Variants in ADAM33 observed in about 807,000 individuals in gnomAD.
ADAM33 encodes the protein ADAM metallopeptidase domain 33.
In ADAM33, 103 loss-of-function variants were observed where a neutral mutation model predicts 106.2. That is an observed-to-expected ratio of 0.97 (90% confidence interval 0.83 to 1.14). ADAM33 has a LOEUF of 1.14. ADAM33 is among the 50% of genes most tolerant of loss of function. The pLI, the probability that ADAM33 is intolerant of heterozygous loss-of-function variation, is 0.00. For missense variants in ADAM33, 1,120 were observed against 1,096.6 expected (o/e 1.02, Z -0.30); for synonymous variants, 483 against 453.0 (o/e 1.07, Z -0.84).
In ADAM33 at chr20:3,671,163, T is replaced by G; in HGVS notation, c.2093-10A>C. On this transcript the variant is annotated splice_polypyrimidine_tract_variant and intron_variant, in intron 18 of 21. Coordinates refer to ENST00000356518, the MANE Select transcript of ADAM33 (RefSeq NM_025220.5). ...AGGAAGGTGTCATGGTCTGCGGGGA[T>G]TGGGGGAAGGGGCGCTGAGTCCTGA... is the stretch of plus-strand genomic sequence containing the variant. The G allele has an allele frequency of 6.2e-7, 1 of 1,613,204 alleles. No homozygotes were observed. The highest frequency in any genetic ancestry group is 8.5e-7 in the Non-Finnish European group (1 of 1,179,668).
At position 3,672,835 on chromosome 20, in the gene ADAM33, C is replaced by CTT. The variant is rs572446582; in HGVS notation, c.1195_1196dup (p.Gly400ArgfsTer70). On this transcript the variant is annotated frameshift_variant, in exon 12 of 22. Transcript: ENST00000356518. LOFTEE classifies it high-confidence loss of function. ...CATTGGAGAGGCAAGCGCCGCCCCC[C>CTT]TTGCGGAAGAAGGCGCGCAGCTGGC... 5.7e-5 allele frequency: 90 copies of CTT among 1,576,686 alleles called. No individual in the cohort carries two copies. In the East Asian group the frequency reaches 2.0e-3, roughly 35 times the overall value.
chr20:3,674,891 G>C, intron 4 of ADAM33, 42 bp from the exon 5 acceptor site: 5 of 1,608,428 alleles, frequency 3.1e-6, no homozygotes, highest in Non-Finnish European at 4.2e-6. Flanking sequence ...GCCAGGGCTG[G>C]AGCAAGAGGG....
intron 1 of ADAM33, among the ~76,000 whole-genome samples, 166 bp downstream of exon 1, chr20:3,681,742 C>T (rs2088516426): frequency 6.6e-6 from 1 of 152,150 alleles, no homozygotes. Flanking sequence ...TGGGCAGGTC[C>T]CACGGAGACC....
chr20:3,672,669 G>T (rs939177903), intron 12 of ADAM33, 43 bp from the exon 13 acceptor site: 16 of 1,608,768 alleles, frequency 9.9e-6, no homozygotes, highest in Non-Finnish European at 1.3e-5. Flanking sequence ...AGGGCGCAGC[G>T]CCCCAGACCT....
At chr20:3,669,707 A>G (rs759130969) in intron 19 of ADAM33, 70 bp from the exon 20 acceptor site, 2 of 1,379,778 alleles carry the variant, frequency 1.4e-6, no homozygotes, top group Non-Finnish European at 1.0e-6. Context: ...TCCCCGCAGC[A>G]TGGTGTCCAG....
chr20:3,671,404 TC>T lies in ADAM33; in HGVS notation c.1983+14del, dbSNP rs1357820652. The T allele has an allele frequency of 6.2e-7, 1 of 1,611,572 alleles. No homozygotes were observed. Among genetic ancestry groups the T allele is most frequent in the Non-Finnish European group, 8.5e-7 (1 of 1,178,400 alleles). On this transcript the variant is annotated intron_variant, in intron 17 of 21. Coordinates refer to ENST00000356518, the MANE Select transcript of ADAM33 (RefSeq NM_025220.5). ...TTAGGAACCCCAAGGTCACCCCCAC[TC>T]CTCGGGCTCTCACCCCGTGGCTGTG...
At chr20:3,677,275 C>G (rs1174341097) in intron 2 of ADAM33, 132 bp from the exon 3 acceptor site, 2 of 664,048 alleles carry the variant, frequency 3.0e-6, no homozygotes, top group Non-Finnish European at 4.9e-6. Context: ...CAGCAGGACC[C>G]CCCACATACT....
intron 19 of ADAM33, chr20:3,670,041 C>G: frequency 8.0e-6 from 3 of 376,812 alleles, no homozygotes; most frequent in Non-Finnish European, 1.5e-5. Context: ...CTGTCCCCAT[C>G]CCATCCCCCA....
At chr20:3,672,102 G>A in intron 14 of ADAM33, 32 bp downstream of exon 14, 17 of 1,599,290 alleles carry the variant, frequency 1.1e-5, no homozygotes, top group Non-Finnish European at 1.5e-5. Flanking sequence ...GAGGATGGGG[G>A]GCAGGGTGCA....
chr20:3,676,732 TAGCCTGGG>T (rs2087996563), intron 3 of ADAM33, among the ~76,000 whole-genome samples: 1 of 152,194 alleles, frequency 6.6e-6, no homozygotes, highest in East Asian at 1.9e-4. Flanking sequence ...GCCATTCCCT[TAGCCTGGG>T]GTGCCGGCTC....
Position 3,674,066 on chromosome 20 carries a change from G to A in ADAM33, c.736C>T (p.Gln246Ter). 6.2e-7 allele frequency: 1 copy of A among 1,614,096 alleles called. No homozygotes were observed. Among genetic ancestry groups the A allele is most frequent in the Non-Finnish European group, 8.5e-7 (1 of 1,180,014 alleles). The change falls in exon 8 of 22, where the codon CAG becomes TAG. Residue 246 changes from glutamine to a stop codon, truncating the protein, a stop_gained and splice_region_variant. Transcript: ENST00000356518. LOFTEE classifies it high-confidence loss of function. ...RLLEVANYVDQLLRTLDIQVA... is the reference protein window; with the variant it reads ...RLLEVANYVD ...GCTCTCTCCCCGCCGCCCCCAACCTGGTCCACGTAGTTGGCGACTTCCAGG... is the reference window on the plus strand; with the variant it reads ...GCTCTCTCCCCGCCGCCCCCAACCTAGTCCACGTAGTTGGCGACTTCCAGG...
chr20:3,676,487 G>C (rs1250437183), intron 3 of ADAM33, among the ~76,000 whole-genome samples: 1 of 150,640 alleles, frequency 6.6e-6, no homozygotes, highest in East Asian at 2.0e-4. Context: ...CCAGGCCGGA[G>C]TGGTGCAGTG....
In ADAM33 at chr20:3,674,592, T is replaced by G. The variant is rs1568811385; in HGVS notation, c.512A>C (p.Gln171Pro). The G allele has an allele frequency of 1.9e-6, 3 of 1,613,358 alleles. No individual in the cohort carries two copies. In the Admixed American group the frequency reaches 5.0e-5, roughly 27 times the overall value. The change falls in exon 6 of 22, where the codon CAG (glutamine) becomes CCG (proline). Residue 171 changes from glutamine (Q) to proline (P), a missense_variant. Physicochemically the swap from Gln to Pro is moderately conservative, Grantham distance 76. Transcript: ENST00000356518. ...ACAGGTTCCTTTCCAGGTGAGCAGC[T>G]GCTCCATCCGAAAGATCTCGTGGGT... Reference protein sequence around the residue: ...FSTHEIFRMEQLLTWKGTCGH... With the variant: ...FSTHEIFRMEPLLTWKGTCGH...
Position 3,671,625 on chromosome 20 carries a change from C to A in ADAM33, c.1861G>T (p.Gly621Cys). 1.3e-6 allele frequency: 2 copies of A among 1,581,380 alleles called. No homozygotes were observed. The highest frequency in any genetic ancestry group is 1.7e-6 in the Non-Finnish European group (2 of 1,163,252). ...GTGCCTGGCTCTACCAGGCCCAGGCCAAGCAGGTCCAGCTGGGCACTGGGG... is the reference window on the plus strand; with the variant it reads ...GTGCCTGGCTCTACCAGGCCCAGGCAAAGCAGGTCCAGCTGGGCACTGGGG... ...ALPSAQLDLLGLGLVEPGTQC... is the reference protein window; with the variant it reads ...ALPSAQLDLLCLGLVEPGTQC... The change falls in exon 16 of 22, where the codon GGC becomes TGC. Residue 621 changes from glycine (G) to cysteine (C), a missense_variant. Physicochemically the swap from Gly to Cys is radical, Grantham distance 159 (BLOSUM62 -3). Transcript: ENST00000356518.
At chr20:3,673,256 T>C (rs1245762505) in intron 11 of ADAM33, 98 bp downstream of exon 11, 2 of 1,534,098 alleles carry the variant, frequency 1.3e-6, no homozygotes, top group Non-Finnish European at 8.7e-7. Context: ...TATCCCCATT[T>C]TACAGAAGAG....
intron 7 of ADAM33, 21 bp downstream of exon 7, chr20:3,674,198 A>G (rs2087779064): frequency 6.2e-7 from 1 of 1,613,688 alleles, no homozygotes; most frequent in Admixed American, 1.7e-5. Flanking sequence ...GACCCCGCCA[A>G]CCCCTGGGGT....
intron 10 of ADAM33, 33 bp from the exon 11 acceptor site, chr20:3,673,529 C>A: frequency 6.9e-7 from 1 of 1,452,436 alleles, no homozygotes; most frequent in Non-Finnish European, 9.0e-7. Flanking sequence ...TCACTGCGGC[C>A]GTAGAGCCTC....
At chr20:3,677,169 A>G (rs1016309664) in intron 2 of ADAM33, 26 bp from the exon 3 acceptor site, 65 of 1,578,282 alleles carry the variant, frequency 4.1e-5, no homozygotes, top group Non-Finnish European at 5.4e-5. Flanking sequence ...TGTGGAGCTG[A>G]GATGGTGGCC....
rs376736249 is a variant in ADAM33, at chr20:3,681,918, C to T, written c.87G>A (p.Gly29=). 6.8e-5 allele frequency: 108 copies of T among 1,590,994 alleles called. 1 individual carries two copies. In the South Asian group the frequency reaches 1.1e-3, roughly 16 times the overall value. The change falls in exon 1 of 22, where the codon GGG becomes GGA. Residue 29 remains glycine (G), a synonymous_variant. Transcript: ENST00000356518. ...LLLLWPVPGA[G]VLQGHIPGQP... Reference sequence around the variant, plus strand: ...CGCCCGCGTCCTCACCTTGAAGCACCCCGGCGCCTGGCACTGGCCAGAGCA... The same window carrying T: ...CGCCCGCGTCCTCACCTTGAAGCACTCCGGCGCCTGGCACTGGCCAGAGCA...
Sources: allele counts gnomAD v4.1 joint callset (sites outside exome capture counted in the v4.1 genomes callset), GRCh38; gene constraint gnomAD v4.1.1; transcripts MANE v1.5; gene names NCBI Gene and HGNC (gene_info 2026-07-23, HGNC 2026-07-21).